The following ARFGEF1 variants were observed in gnomAD, a reference collection of about 807,000 sequenced individuals.
The protein encoded by ARFGEF1 is ARF guanine nucleotide exchange factor 1.
A neutral mutation model predicts 231.0 loss-of-function variants in ARFGEF1; 42 were observed. The ratio of observed to expected loss-of-function variants is 0.18; its 90% CI spans 0.14 to 0.24. The LOEUF (loss-of-function observed/expected upper bound fraction) is 0.24. Ranked by LOEUF, ARFGEF1 falls within the 10% of genes least tolerant of loss-of-function variation. The pLI, the probability that ARFGEF1 is intolerant of heterozygous loss-of-function variation, is 1.00. For missense variants in ARFGEF1, 1,345 were observed against 2,192.0 expected (o/e 0.61, Z 7.72); for synonymous variants, 710 against 732.3 (o/e 0.97, Z 0.49).
chr8:67,198,389 G>C lies in ARFGEF1; in HGVS notation c.*545C>G. The C allele has an allele frequency of 1.0e-6, 1 of 985,362 alleles. No homozygotes were observed. Among genetic ancestry groups the C allele is most frequent in the Non-Finnish European group, 1.2e-6 (1 of 829,532 alleles). 61.0% of individuals were successfully genotyped at this position (985,362 alleles called of 1,614,324 possible). On this transcript the variant is annotated 3_prime_UTR_variant, in exon 39 of 39. Coordinates refer to ENST00000262215, the MANE Select transcript of ARFGEF1 (RefSeq NM_006421.5). The stretch of plus-strand genomic sequence containing the variant: ...AATGTTTTAAGATTTTTATATTACA[G>C]ACCTGCATCTCTGTACATTTTTCAC...
chr8:67,318,937 C>A (rs1807451648), intron 1 of ARFGEF1, among the ~76,000 whole-genome samples: 1 of 152,174 alleles, frequency 6.6e-6, no homozygotes, highest in African/African-American at 2.4e-5. Flanking sequence ...CATGCCACTG[C>A]CTGAGCAACA....
intron 10 of ARFGEF1, 108 bp from the exon 11 acceptor site, chr8:67,267,550 T>TA (rs1169985899): frequency 1.0e-5 from 7 of 667,570 alleles, no homozygotes; most frequent in Non-Finnish European, 1.8e-5. Context: ...CCCAGGCTCT[T>TA]ATGGAGTTCA....
intron 33 of ARFGEF1, 25 bp downstream of exon 33, chr8:67,216,565 A>G (rs778694235): frequency 8.1e-5 from 128 of 1,572,480 alleles, no homozygotes; most frequent in Non-Finnish European, 8.6e-7. Context: ...ACTAATTTCA[A>G]TATACTTTAC....
chr8:67,196,976 A>G (rs935541695), downstream of ARFGEF1, among the ~76,000 whole-genome samples: 1 of 152,212 alleles, frequency 6.6e-6, no homozygotes, highest in Non-Finnish European at 1.5e-5. Flanking sequence ...CCTCTTTAAC[A>G]CAACCATGTT....
At chr8:67,318,436 T>C (rs1807428012) in intron 1 of ARFGEF1, among the ~76,000 whole-genome samples, 1 of 152,134 alleles carries the variant, frequency 6.6e-6, no homozygotes, top group South Asian at 2.1e-4. Context: ...TCATCATTTC[T>C]ACTCAACTTT....
At chr8:67,195,430 G>A (rs1837735009), downstream of ARFGEF1, 4 of 1,614,162 alleles carry the variant, frequency 2.5e-6, no homozygotes, top group Admixed American at 1.7e-5. Flanking sequence ...AAACACATAG[G>A]GGATGACGGA....
At chr8:67,335,782 T>C (rs1808318567) in intron 1 of ARFGEF1, among the ~76,000 whole-genome samples, 1 of 151,960 alleles carries the variant, frequency 6.6e-6, no homozygotes, top group Non-Finnish European at 1.5e-5. Flanking sequence ...ACTCTCGCAC[T>C]GTCTCTCGGG....
At chr8:67,236,364 A>AT (rs1839755681) in intron 22 of ARFGEF1, among the ~76,000 whole-genome samples, 65 of 36,696 alleles carry the variant, frequency 1.8e-3, no homozygotes, top group Non-Finnish European at 2.4e-3. Flanking sequence ...AAAAAAAAAA[A>AT]AATATATATA....
chr8:67,276,178 C>G (rs1805304680), intron 8 of ARFGEF1, 69 bp from the exon 9 acceptor site: 1 of 1,540,134 alleles, frequency 6.5e-7, no homozygotes, highest in South Asian at 1.2e-5. Flanking sequence ...CAGCCTTCTA[C>G]TGTATTTCAT....
At chr8:67,258,818 T>TACACAC (rs10576509) in intron 15 of ARFGEF1, among the ~76,000 whole-genome samples, 4,397 of 142,998 alleles carry the variant, frequency 0.031, 86 homozygotes, top group South Asian at 0.049. Flanking sequence ...AAGCAGATTT[T>TACACAC]ACACACACAC....
At chr8:67,260,063 A>C (rs1840591748) in intron 14 of ARFGEF1, 137 bp from the exon 15 acceptor site, 1 of 431,956 alleles carries the variant, frequency 2.3e-6, no homozygotes, top group Admixed American at 4.1e-5. Flanking sequence ...ATGAATGTAC[A>C]AAATAATTAC....
In ARFGEF1 at chr8:67,199,069, A is replaced by T; in HGVS notation, c.5415T>A (p.Pro1805=). ...CAAATTGCATAATTTCACATAAGAG[A>T]GGGTAGTAGAATGATGCATGAGCTT... ...RFKAHASFYY[P]LLCEIMQFDL... The change falls in exon 39 of 39, where the codon CCT becomes CCA. Residue 1805 remains proline, a synonymous_variant. Transcript: ENST00000262215. 6.2e-7 allele frequency: 1 copy of T among 1,611,226 alleles called. No individual in the cohort carries two copies. Among genetic ancestry groups the T allele is most frequent in the Non-Finnish European group, 8.5e-7 (1 of 1,179,368 alleles).
chr8:67,220,401 A>G (rs967034838), intron 29 of ARFGEF1, among the ~76,000 whole-genome samples: 1 of 152,232 alleles, frequency 6.6e-6, no homozygotes, highest in African/African-American at 2.4e-5. Flanking sequence ...AAAGGCTCTC[A>G]TAAGGACTGG....
At chr8:67,216,500 T>C (rs1271283771) in intron 33 of ARFGEF1, 90 bp downstream of exon 33, 4 of 1,182,150 alleles carry the variant, frequency 3.4e-6, no homozygotes, top group Non-Finnish European at 4.7e-6. Flanking sequence ...CAGGAATGGA[T>C]TAAGACAATT....
At chr8:67,202,789 T>G (rs1439036505) in intron 36 of ARFGEF1, among the ~76,000 whole-genome samples, 1 of 152,168 alleles carries the variant, frequency 6.6e-6, no homozygotes, top group Non-Finnish European at 1.5e-5. Context: ...AAAAGACAGC[T>G]TTTGTCATGC....
intron 5 of ARFGEF1, among the ~76,000 whole-genome samples, chr8:67,181,338 ATTTTTTTT>A (rs58029238): frequency 5.3e-5 from 6 of 112,642 alleles, no homozygotes; most frequent in South Asian, 2.9e-4. Context: ...GTACCTGGCC[ATTTTTTTT>A]TTTTTTTTTT....
intron 19 of ARFGEF1, among the ~76,000 whole-genome samples, chr8:67,247,643 A>G (rs1318565486): frequency 6.6e-6 from 1 of 150,658 alleles, no homozygotes; most frequent in African/African-American, 2.5e-5. Context: ...CCTTCCTGTA[A>G]GGTCTGAAAC....
chr8:67,341,934 T>C (rs1808648656), intron 1 of ARFGEF1, among the ~76,000 whole-genome samples: 1 of 152,192 alleles, frequency 6.6e-6, no homozygotes, highest in Non-Finnish European at 1.5e-5. Flanking sequence ...TTCGACGTTT[T>C]TCATATTACC....
At position 67,208,085 on chromosome 8, in the gene ARFGEF1, T is replaced by C. The variant is rs76382161; in HGVS notation, c.4820-3266A>G. Among the ~76,000 whole-genome samples the C allele has an allele frequency of 4.6e-3, 695 of 152,322 alleles. 9 individuals carry two copies. The highest frequency in any genetic ancestry group is 0.015 in the African/African-American group (626 of 41,566). On this transcript the variant is annotated intron_variant, in intron 34 of 38. Coordinates refer to ENST00000262215, the MANE Select transcript of ARFGEF1 (RefSeq NM_006421.5). Reference sequence around the variant, plus strand: ...CGCTATTCTTTCCTCTTGGCCTTTCTTGGTGCAGACTGAAGCTGCAAAGGA... The same window carrying C: ...CGCTATTCTTTCCTCTTGGCCTTTCCTGGTGCAGACTGAAGCTGCAAAGGA...
Sources: gnomAD v4.1 joint callset for allele counts (sites outside exome capture counted in the v4.1 genomes callset) on GRCh38, gnomAD v4.1.1 for gene constraint, MANE v1.5 for transcripts, NCBI Gene and HGNC (gene_info 2026-07-23, HGNC 2026-07-21) for gene names.